TAFA4: variants seen among roughly 807,000 people sequenced by gnomAD.
The protein encoded by TAFA4 is TAFA chemokine like family member 4, also known as chemokine-like protein TAFA-4.
Under a neutral mutation model 21.1 loss-of-function variants are expected in TAFA4, and 20 were observed. The observed-to-expected ratio is 0.95, with a 90% CI of 0.67 to 1.38. TAFA4 has a LOEUF of 1.38. Ranked by LOEUF, TAFA4 falls within the 40% of genes most tolerant of loss-of-function variation. The pLI, the probability that TAFA4 is intolerant of heterozygous loss-of-function variation, is 0.00. For synonymous variants in TAFA4, 71 were observed against 67.4 expected (o/e 1.05, Z -0.26); for missense variants, 211 against 180.9 (o/e 1.17, Z -0.95).
intron 3 of TAFA4, among the ~76,000 whole-genome samples, chr3:68,848,164 G>C (rs1248662319): frequency 6.6e-6 from 1 of 152,168 alleles, no homozygotes; most frequent in Non-Finnish European, 1.5e-5. Flanking sequence ...TACAGAGTCT[G>C]ACTCCAGTGC....
At chr3:68,756,515 T>C (rs1258799362) in intron 3 of TAFA4, among the ~76,000 whole-genome samples, 1 of 152,238 alleles carries the variant, frequency 6.6e-6, no homozygotes, top group African/African-American at 2.4e-5. Context: ...ATTCAGACTT[T>C]TGATCCATAA....
intron 1 of TAFA4, among the ~76,000 whole-genome samples, chr3:68,896,967 G>T (rs1052622240): frequency 5.9e-5 from 9 of 152,198 alleles, no homozygotes; most frequent in African/African-American, 2.2e-4. Context: ...ACAATGGCGC[G>T]ATCTTGGCTC....
At chr3:68,832,381 T>C (rs1704420821) in intron 3 of TAFA4, among the ~76,000 whole-genome samples, 1 of 152,218 alleles carries the variant, frequency 6.6e-6, no homozygotes, top group Admixed American at 6.5e-5. Flanking sequence ...ATGTCCTTTT[T>C]TGTTGATGTT....
chr3:68,885,650 T>C (rs1002338058), intron 1 of TAFA4, among the ~76,000 whole-genome samples: 1 of 152,042 alleles, frequency 6.6e-6, no homozygotes, highest in Non-Finnish European at 1.5e-5. Flanking sequence ...TCAGGAAAAA[T>C]GGAAGTTAGA....
chr3:68,803,133 A>G (rs7620715), intron 3 of TAFA4, among the ~76,000 whole-genome samples: 60,883 of 150,724 alleles, frequency 0.4, 12,674 homozygotes, highest in Non-Finnish European at 0.45. Context: ...TCTATCCACT[A>G]CAGCCAGTTA....
chr3:68,813,782 T>C (rs564942992), intron 3 of TAFA4, among the ~76,000 whole-genome samples: 7 of 151,996 alleles, frequency 4.6e-5, no homozygotes, highest in Admixed American at 1.3e-4. Flanking sequence ...TTCCAATCAA[T>C]AGAAAAAGAG....
At chr3:68,775,052 G>C (rs1703024623) in intron 3 of TAFA4, among the ~76,000 whole-genome samples, 1 of 152,154 alleles carries the variant, frequency 6.6e-6, no homozygotes, top group Non-Finnish European at 1.5e-5. Flanking sequence ...AAATTCCAAA[G>C]GATGTGAGGA....
intron 3 of TAFA4, among the ~76,000 whole-genome samples, chr3:68,844,676 A>T (rs1704744483): frequency 6.6e-6 from 1 of 152,082 alleles, no homozygotes; most frequent in Non-Finnish European, 1.5e-5. Flanking sequence ...TTTCCCTCTG[A>T]ACATCGCTTT....
chr3:68,838,982 C>T (rs1704589938), intron 3 of TAFA4, among the ~76,000 whole-genome samples: 1 of 152,144 alleles, frequency 6.6e-6, no homozygotes, highest in South Asian at 2.1e-4. Context: ...CCTGTAGTCC[C>T]AGCTACCCAG....
intron 4 of TAFA4, 79 bp from the exon 5 acceptor site, chr3:68,739,278 T>A: frequency 6.6e-7 from 1 of 1,509,718 alleles, no homozygotes. Flanking sequence ...CAATACAGAG[T>A]AGTACACTGA....
chr3:68,787,960 A>G (rs1307704526), intron 3 of TAFA4, among the ~76,000 whole-genome samples: 1 of 152,176 alleles, frequency 6.6e-6, no homozygotes, highest in Non-Finnish European at 1.5e-5. Flanking sequence ...TAACTCAATC[A>G]TCTCTCTCCA....
intron 3 of TAFA4, among the ~76,000 whole-genome samples, chr3:68,791,752 AG>A (rs1703365311): frequency 6.6e-6 from 1 of 152,256 alleles, no homozygotes; most frequent in African/African-American, 2.4e-5. Flanking sequence ...TAAGAAAGGC[AG>A]CTATGTTACC....
At chr3:68,848,921 G>A (rs1704875397) in intron 3 of TAFA4, among the ~76,000 whole-genome samples, 1 of 135,608 alleles carries the variant, frequency 7.4e-6, no homozygotes, top group Non-Finnish European at 1.6e-5. Flanking sequence ...CTTCACCAAG[G>A]AGAATGCTAA....
intron 3 of TAFA4, among the ~76,000 whole-genome samples, chr3:68,777,223 T>C (rs1419071120): frequency 1.3e-5 from 2 of 152,116 alleles, no homozygotes; most frequent in African/African-American, 4.8e-5. Flanking sequence ...AAGCAGTAGA[T>C]AGAGGCATGA....
chr3:68,929,799 C>T (rs1419710872), intron 1 of TAFA4, among the ~76,000 whole-genome samples: 1 of 152,222 alleles, frequency 6.6e-6, no homozygotes, highest in African/African-American at 2.4e-5. Flanking sequence ...AACTCTCAAA[C>T]TGGGCAGCTA....
At chr3:68,808,328 C>G (rs921409465) in intron 3 of TAFA4, among the ~76,000 whole-genome samples, 1 of 152,176 alleles carries the variant, frequency 6.6e-6, no homozygotes, top group African/African-American at 2.4e-5. Context: ...CATCCTTTGT[C>G]TCCTGTCTCA....
chr3:68,917,426 TC>T (rs752161929), intron 1 of TAFA4, among the ~76,000 whole-genome samples: 5 of 151,522 alleles, frequency 3.3e-5, no homozygotes, highest in African/African-American at 7.3e-5. Flanking sequence ...ATCAGAGACC[TC>T]CCCCCCTGTG....
In TAFA4 at chr3:68,914,646, A is replaced by G. The variant is rs533381558; in HGVS notation, c.-123+17594T>C. On this transcript the variant is annotated intron_variant, in intron 1 of 5. Transcript: ENST00000295569. ...AGATGAGACCAAATATGTCTACTTC[A>G]ATTAGCATATTTAATAAATAATGTA... Among the ~76,000 whole-genome samples, 30 of 152,318 alleles carry G rather than the reference A, an allele frequency of 2.0e-4. No individual in the cohort carries two copies. The South Asian group carries it at 2.1e-3, about 11-fold the overall frequency.
At chr3:68,771,636 T>G (rs370712795) in intron 3 of TAFA4, among the ~76,000 whole-genome samples, 4 of 152,248 alleles carry the variant, frequency 2.6e-5, no homozygotes, top group African/African-American at 9.6e-5. Flanking sequence ...CAAATTTATT[T>G]CATTAAAAGA....
Sources: gnomAD v4.1 joint callset for allele counts (sites outside exome capture counted in the v4.1 genomes callset) on GRCh38, gnomAD v4.1.1 for gene constraint, MANE v1.5 for transcripts, NCBI Gene and HGNC (gene_info 2026-07-23, HGNC 2026-07-21) for gene names.